Variants in CCDC125 observed in about 807,000 individuals in gnomAD.
CCDC125 encodes the protein coiled-coil domain-containing protein 125.
In CCDC125, 43 loss-of-function variants were observed where a neutral mutation model predicts 57.4. The observed-to-expected ratio is 0.75, with a 90% CI of 0.59 to 0.97. CCDC125 has a LOEUF of 0.97. Among genes scored for constraint, CCDC125 ranks in the 50% least tolerant of loss-of-function variants. The pLI, the probability that CCDC125 is intolerant of heterozygous loss-of-function variation, is 0.00. For synonymous variants in CCDC125, 187 were observed against 195.2 expected (o/e 0.96, Z 0.35); for missense variants, 563 against 595.7 (o/e 0.95, Z 0.57).
At chr5:69,286,701 A>G (rs1350043665) in intron 10 of CCDC125, among the ~76,000 whole-genome samples, 3 of 152,114 alleles carry the variant, frequency 2.0e-5, no homozygotes, top group African/African-American at 7.2e-5. Flanking sequence ...AAAATCTCAG[A>G]TTGTACAAGG....
chr5:69,298,858 G>A (rs1157975324), intron 8 of CCDC125, among the ~76,000 whole-genome samples: 3 of 152,148 alleles, frequency 2.0e-5, no homozygotes, highest in Admixed American at 2.0e-4. Context: ...CAGACTCTAA[G>A]CTCTGTCTAC....
chr5:69,292,847 T>A (rs1044860276), intron 9 of CCDC125, among the ~76,000 whole-genome samples: 2 of 151,864 alleles, frequency 1.3e-5, no homozygotes, highest in African/African-American at 4.8e-5. Context: ...CTTCTTCTTT[T>A]TTTTTTTTCT....
intron 2 of CCDC125, among the ~76,000 whole-genome samples, chr5:69,314,509 T>C (rs758703997): frequency 6.7e-6 from 1 of 150,074 alleles, no homozygotes; most frequent in African/African-American, 2.4e-5. Flanking sequence ...AAAATAGGAG[T>C]GTAAAACATT....
chr5:69,290,185 A>C (rs1174507738), intron 10 of CCDC125, among the ~76,000 whole-genome samples: 1 of 152,058 alleles, frequency 6.6e-6, no homozygotes, highest in East Asian at 1.9e-4. Context: ...AATGAAACTA[A>C]AATTCACGAC....
chr5:69,299,317 G>A (rs969648781), intron 8 of CCDC125, among the ~76,000 whole-genome samples: 2 of 152,070 alleles, frequency 1.3e-5, no homozygotes, highest in African/African-American at 4.8e-5. Flanking sequence ...CACCATGTTA[G>A]CCAGGATGGT....
chr5:69,319,051 C>T (rs1275439116), intron 2 of CCDC125, among the ~76,000 whole-genome samples: 1 of 151,912 alleles, frequency 6.6e-6, no homozygotes, highest in Non-Finnish European at 1.5e-5. Context: ...CCTCGGCCTC[C>T]CGAGTAGCTG....
At chr5:69,329,927 G>C (rs1351951200) in intron 1 of CCDC125, among the ~76,000 whole-genome samples, 4 of 152,180 alleles carry the variant, frequency 2.6e-5, no homozygotes, top group Non-Finnish European at 4.4e-5. Context: ...CTGGCCACTT[G>C]GGAAAGGCTG....
At chr5:69,318,131 G>A (rs1375056554) in intron 2 of CCDC125, among the ~76,000 whole-genome samples, 27 of 151,514 alleles carry the variant, frequency 1.8e-4, no homozygotes, top group Non-Finnish European at 4.4e-5. Flanking sequence ...ACAGGTGCAC[G>A]CCACCATGCC....
chr5:69,305,567 T>C (rs1445650788), intron 6 of CCDC125, among the ~76,000 whole-genome samples: 3 of 152,166 alleles, frequency 2.0e-5, no homozygotes, highest in Non-Finnish European at 2.9e-5. Context: ...AAACTGTTTA[T>C]CATGAATGCA....
At chr5:69,308,110 AG>A in intron 4 of CCDC125, 82 bp from the exon 5 acceptor site, 1 of 973,540 alleles carries the variant, frequency 1.0e-6, no homozygotes, top group Middle Eastern at 2.1e-4. Context: ...TTTTATTTTA[AG>A]GCAATGGAAA....
intron 11 of CCDC125, among the ~76,000 whole-genome samples, 168 bp from the exon 12 acceptor site, chr5:69,283,202 T>G (rs1032052315): frequency 6.6e-6 from 1 of 151,622 alleles, no homozygotes; most frequent in Non-Finnish European, 1.5e-5. Context: ...AACATTATAC[T>G]ACATGTTATT....
At chr5:69,291,951 C>T (rs1023249946) in intron 10 of CCDC125, among the ~76,000 whole-genome samples, 1 of 152,158 alleles carries the variant, frequency 6.6e-6, no homozygotes, top group African/African-American at 2.4e-5. Flanking sequence ...CAGAAGAGTA[C>T]TAGAAAATAA....
chr5:69,320,433 A>T lies in CCDC125; in HGVS notation c.108T>A (p.Pro36=). Residue 36 remains proline, a synonymous_variant, in exon 2 of 12, where the codon CCT becomes CCA. Transcript: ENST00000396496. ...GDLGYGLGRK[P]GGIYEIEFSH... ...AAAATTCTATTTCATAAATCCCACC[A>T]GGTTTCCTTCCGAGGCCATACCCTA... 1 of 1,613,946 alleles carries T rather than the reference A, an allele frequency of 6.2e-7. No homozygotes were observed. The highest frequency in any genetic ancestry group is 8.5e-7 in the Non-Finnish European group (1 of 1,179,930).
At chr5:69,285,538 T>TAACTTGATCTCTAGGAC in intron 10 of CCDC125, 71 bp from the exon 11 acceptor site, 1 of 1,456,996 alleles carries the variant, frequency 6.9e-7, no homozygotes, top group Non-Finnish European at 9.3e-7. Flanking sequence ...GCAAAAGAGG[T>TAACTTGATCTCTAGGAC]AACTTGATCT....
In CCDC125 at chr5:69,285,351, T is replaced by A. The variant is rs1297763205; in HGVS notation, c.1216A>T (p.Met406Leu). Residue 406 changes from methionine to leucine, a missense_variant, in exon 11 of 12, where the codon ATG becomes TTG. Coordinates refer to ENST00000396496, the MANE Select transcript of CCDC125 (RefSeq NM_176816.5). ...DQDSPQEVLK[M>L]LIDLLNDKEE... ...AAGACACTAACCAAATCTATGAGCATCTTAAGGACCTCTTGAGGACTGTCC... is the reference window on the plus strand; with the variant it reads ...AAGACACTAACCAAATCTATGAGCAACTTAAGGACCTCTTGAGGACTGTCC... 6.2e-7 allele frequency: 1 copy of A among 1,610,030 alleles called. No individual in the cohort carries two copies. Among genetic ancestry groups the A allele is most frequent in the Non-Finnish European group, 8.5e-7 (1 of 1,178,950 alleles).
At chr5:69,294,936 G>A (rs1755077211) in intron 8 of CCDC125, 36 bp from the exon 9 acceptor site, 4 of 1,564,790 alleles carry the variant, frequency 2.6e-6, no homozygotes, top group African/African-American at 1.4e-5. Context: ...GTTATTAAGT[G>A]TCACACTGTT....
chr5:69,313,808 T>G (rs779220834), intron 3 of CCDC125, 177 bp downstream of exon 3: 6 of 817,414 alleles, frequency 7.3e-6, no homozygotes, highest in Admixed American at 1.7e-5. Context: ...TGTTGAAGAC[T>G]TACACAACTT....
chr5:69,289,525 G>A (rs1754054370), intron 10 of CCDC125, among the ~76,000 whole-genome samples: 2 of 152,092 alleles, frequency 1.3e-5, no homozygotes, highest in South Asian at 4.1e-4. Flanking sequence ...GTTTATTATA[G>A]AAAATGACCA....
Position 69,285,505 on chromosome 5 carries a change from A to G in CCDC125, c.1100-38T>C, listed in dbSNP as rs1482210073. 2.5e-6 allele frequency: 4 copies of G among 1,575,532 alleles called. No homozygotes were observed. The Admixed American group carries it at 6.0e-5, about 24-fold the overall frequency. On this transcript the variant is annotated intron_variant, in intron 10 of 11. Coordinates refer to ENST00000396496, the MANE Select transcript of CCDC125 (RefSeq NM_176816.5). ...ATGAGAATCCAGCTGAGACATTAAAATATCCTCACTGATATACTTCCAGCA... is the reference window on the plus strand; with the variant it reads ...ATGAGAATCCAGCTGAGACATTAAAGTATCCTCACTGATATACTTCCAGCA...
Sources: gnomAD v4.1 joint callset for allele counts (sites outside exome capture counted in the v4.1 genomes callset) on GRCh38, gnomAD v4.1.1 for gene constraint, MANE v1.5 for transcripts, NCBI Gene and HGNC (gene_info 2026-07-23, HGNC 2026-07-21) for gene names.